STARD13: variants seen among roughly 807,000 people sequenced by gnomAD.
STARD13 encodes stAR-related lipid transfer protein 13.
In STARD13, 62 loss-of-function variants were observed where a neutral mutation model predicts 106.4. That is an observed-to-expected ratio of 0.58 (90% CI 0.48 to 0.72). STARD13 has a LOEUF of 0.72. Among genes scored for constraint, STARD13 ranks in the 30% least tolerant of loss-of-function variants. The pLI, the probability that STARD13 is intolerant of heterozygous loss-of-function variation, is 0.00. For synonymous variants in STARD13, 565 were observed against 553.0 expected, an observed-to-expected ratio of 1.02 and a Z score of -0.31; for missense variants, 1,387 against 1,424.0, an observed-to-expected ratio of 0.97 and a Z score of 0.42.
the STARD13 span, among the ~76,000 whole-genome samples, chr13:33,540,121 G>A: frequency 6.6e-6 from 1 of 152,094 alleles, no homozygotes; most frequent in Non-Finnish European, 1.5e-5. Context: ...TTAGCTTCAG[G>A]GGAAATGTTC....
At chr13:33,286,692 C>T (rs371308049), upstream of STARD13, among the ~76,000 whole-genome samples, 18 of 152,034 alleles carry the variant, frequency 1.2e-4, no homozygotes, top group African/African-American at 4.1e-4. Flanking sequence ...GAGAAAGAGA[C>T]ATTTGGATAG....
At chr13:33,153,936 G>T (rs1387864382) in intron 3 of STARD13, among the ~76,000 whole-genome samples, 1 of 152,220 alleles carries the variant, frequency 6.6e-6, no homozygotes, top group Non-Finnish European at 1.5e-5. Context: ...CTAAGTCACT[G>T]AGGATGTGTT....
At chr13:33,633,169 T>C in the STARD13 span, among the ~76,000 whole-genome samples, 16,025 of 152,246 alleles carry the variant, frequency 0.11, 1,376 homozygotes, top group African/African-American at 0.22. Context: ...CCCTTGTGGG[T>C]ACTTAGAAAG....
At chr13:33,261,465 CAT>C (rs1409263055) in intron 1 of STARD13, among the ~76,000 whole-genome samples, 1 of 152,188 alleles carries the variant, frequency 6.6e-6, no homozygotes, top group Non-Finnish European at 1.5e-5. Context: ...GGCACCCACT[CAT>C]ATCATTTATA....
upstream of STARD13, among the ~76,000 whole-genome samples, chr13:33,287,295 C>G (rs985109619): frequency 5.9e-5 from 9 of 152,304 alleles, no homozygotes; most frequent in Admixed American, 2.0e-4. Flanking sequence ...AGAAGCAGCT[C>G]GTCTTGTATA....
At chr13:33,149,892 C>T (rs1593973284) in intron 3 of STARD13, among the ~76,000 whole-genome samples, 1 of 152,158 alleles carries the variant, frequency 6.6e-6, no homozygotes, top group Non-Finnish European at 1.5e-5. Context: ...AATATTTAGC[C>T]CCAGTATCTG....
chr13:33,164,770 T>C (rs1360177410), intron 3 of STARD13, among the ~76,000 whole-genome samples: 2 of 152,218 alleles, frequency 1.3e-5, no homozygotes, highest in Non-Finnish European at 2.9e-5. Flanking sequence ...ATATACATCT[T>C]TGTCTCCTTA....
chr13:33,511,577 CTT>C, the STARD13 span, among the ~76,000 whole-genome samples: 1 of 152,062 alleles, frequency 6.6e-6, no homozygotes, highest in African/African-American at 2.4e-5. Context: ...TTTTGTGTCT[CTT>C]TGCAATAAAA....
the STARD13 span, among the ~76,000 whole-genome samples, chr13:33,438,370 G>C: frequency 6.6e-6 from 1 of 152,258 alleles, no homozygotes; most frequent in South Asian, 2.1e-4. Context: ...GAGAGACGAA[G>C]CACAGAGGGT....
At chr13:33,121,999 C>T (rs1876401587) in intron 7 of STARD13, among the ~76,000 whole-genome samples, 2 of 152,192 alleles carry the variant, frequency 1.3e-5, no homozygotes, top group South Asian at 4.1e-4. Flanking sequence ...GCACCTGCCA[C>T]CATGCCCAGC....
chr13:33,545,309 A>G, the STARD13 span, among the ~76,000 whole-genome samples: 3 of 151,788 alleles, frequency 2.0e-5, no homozygotes, highest in African/African-American at 4.8e-5. Flanking sequence ...GTTAGCCAGG[A>G]TGATCTCGAT....
At chr13:33,179,276 G>A (rs561200411) in intron 1 of STARD13, among the ~76,000 whole-genome samples, 1 of 152,242 alleles carries the variant, frequency 6.6e-6, no homozygotes, top group Admixed American at 6.5e-5. Flanking sequence ...CCAAAATTCT[G>A]GATACACCTC....
At chr13:33,477,760 G>A in the STARD13 span, among the ~76,000 whole-genome samples, 10 of 152,190 alleles carry the variant, frequency 6.6e-5, no homozygotes, top group Non-Finnish European at 1.0e-4. Context: ...ACTGAGAAAT[G>A]AGGAGAAGGT....
the STARD13 span, among the ~76,000 whole-genome samples, chr13:33,549,874 T>G: frequency 6.6e-6 from 1 of 152,192 alleles, no homozygotes; most frequent in Non-Finnish European, 1.5e-5. Context: ...GCCCAGAGGT[T>G]GTGCCAGGCA....
the STARD13 span, among the ~76,000 whole-genome samples, chr13:33,385,143 A>ATT: frequency 1.4e-5 from 2 of 142,158 alleles, no homozygotes; most frequent in African/African-American, 5.2e-5. Context: ...ATATATATAT[A>ATT]TATGCATGTC....
At chr13:33,611,997 G>A in the STARD13 span, among the ~76,000 whole-genome samples, 1 of 152,106 alleles carries the variant, frequency 6.6e-6, no homozygotes, top group Admixed American at 6.5e-5. Context: ...AACACAAAAG[G>A]AATAAAGAAC....
chr13:33,149,963 T>C (rs980578241), intron 3 of STARD13, among the ~76,000 whole-genome samples: 1 of 152,260 alleles, frequency 6.6e-6, no homozygotes, highest in Admixed American at 6.5e-5. Flanking sequence ...GTTGGTCTAA[T>C]ACTGGTTCCT....
the STARD13 span, among the ~76,000 whole-genome samples, chr13:33,372,924 A>C: frequency 6.6e-6 from 1 of 152,076 alleles, no homozygotes; most frequent in Non-Finnish European, 1.5e-5. Flanking sequence ...ATCAATGATG[A>C]ATTTGATTAC....
At chr13:33,547,741 T>G in the STARD13 span, among the ~76,000 whole-genome samples, 1 of 152,228 alleles carries the variant, frequency 6.6e-6, no homozygotes, top group Non-Finnish European at 1.5e-5. Flanking sequence ...TGGCATTTTC[T>G]TCTTCAATTT....
Sources: gnomAD v4.1 joint callset for allele counts (sites outside exome capture counted in the v4.1 genomes callset) on GRCh38, gnomAD v4.1.1 for gene constraint, MANE v1.5 for transcripts, NCBI Gene and HGNC (gene_info 2026-07-23, HGNC 2026-07-21) for gene names.